Variants in ENTREP2 observed in about 807,000 individuals in gnomAD.
ENTREP2 encodes endosomal transmembrane epsin interactor 2.
At chr15:29,427,361 T>G in the ENTREP2 span, among the ~76,000 whole-genome samples, 1 of 152,306 alleles carries the variant, frequency 6.6e-6, no homozygotes, top group South Asian at 2.1e-4. Context: ...ACCTGAGATA[T>G]AGCCCTATCT....
chr15:29,204,684 C>T, the ENTREP2 span, among the ~76,000 whole-genome samples: 21,721 of 152,060 alleles, frequency 0.14, 1,798 homozygotes, highest in Non-Finnish European at 0.19. Flanking sequence ...AGAGTGCCAA[C>T]GCTATTTGCC....
At chr15:29,311,193 A>G in the ENTREP2 span, among the ~76,000 whole-genome samples, 5 of 152,220 alleles carry the variant, frequency 3.3e-5, no homozygotes, top group East Asian at 9.7e-4. Context: ...AACAAAGACA[A>G]TTTTTTAAAA....
the ENTREP2 span, among the ~76,000 whole-genome samples, chr15:29,329,088 C>T: frequency 2.2e-4 from 33 of 152,090 alleles, no homozygotes; most frequent in Non-Finnish European, 4.3e-4. Flanking sequence ...CTAGGCTGGG[C>T]GCAGTGGCTC....
the ENTREP2 span, among the ~76,000 whole-genome samples, chr15:29,432,003 C>T: frequency 6.6e-6 from 1 of 152,138 alleles, no homozygotes; most frequent in African/African-American, 2.4e-5. Flanking sequence ...GGACAAATTG[C>T]CTGAGATTTC....
chr15:29,252,223 C>G, the ENTREP2 span: 1 of 498,676 alleles, frequency 2.0e-6, no homozygotes, highest in African/African-American at 1.9e-5. Context: ...TCAGCTTAAC[C>G]TAAATACCCT....
chr15:29,563,243 T>C, the ENTREP2 span, among the ~76,000 whole-genome samples: 1 of 152,236 alleles, frequency 6.6e-6, no homozygotes, highest in Non-Finnish European at 1.5e-5. Flanking sequence ...ATATTTATGC[T>C]ATTCTATTGC....
At chr15:29,651,963 G>T in the ENTREP2 span, among the ~76,000 whole-genome samples, 1 of 152,192 alleles carries the variant, frequency 6.6e-6, no homozygotes, top group Non-Finnish European at 1.5e-5. Flanking sequence ...CTGAAGCCTG[G>T]GGGCCAGGCC....
At chr15:29,575,464 C>T in the ENTREP2 span, among the ~76,000 whole-genome samples, 2 of 152,132 alleles carry the variant, frequency 1.3e-5, no homozygotes, top group Admixed American at 6.5e-5. Flanking sequence ...TGGTGAATGT[C>T]CACATTCACC....
At chr15:29,357,761 C>T in the ENTREP2 span, among the ~76,000 whole-genome samples, 1 of 151,966 alleles carries the variant, frequency 6.6e-6, no homozygotes, top group African/African-American at 2.4e-5. Flanking sequence ...ATGGCATGAA[C>T]CCGGGAGGCG....
the ENTREP2 span, chr15:29,234,785 C>T: frequency 6.7e-7 from 1 of 1,488,100 alleles, no homozygotes; most frequent in Non-Finnish European, 9.4e-7. Flanking sequence ...AAATATTACT[C>T]CATCTCCAGA....
At chr15:29,283,814 GA>G in the ENTREP2 span, among the ~76,000 whole-genome samples, 4 of 152,092 alleles carry the variant, frequency 2.6e-5, no homozygotes, top group African/African-American at 9.7e-5. Context: ...AAAAATGCTT[GA>G]TTTTTTTTAT....
At chr15:29,529,229 G>T in the ENTREP2 span, among the ~76,000 whole-genome samples, 2 of 140,618 alleles carry the variant, frequency 1.4e-5, no homozygotes, top group Admixed American at 7.1e-5. Context: ...GTGGAGGGGT[G>T]TGTGAGGGTG....
chr15:29,223,280 G>A, the ENTREP2 span, among the ~76,000 whole-genome samples: 1 of 152,180 alleles, frequency 6.6e-6, no homozygotes, highest in Admixed American at 6.5e-5. Context: ...TAGGCCGTGG[G>A]TGGCAGCCGC....
chr15:29,162,874 C>A, the ENTREP2 span, among the ~76,000 whole-genome samples: 1 of 152,266 alleles, frequency 6.6e-6, no homozygotes, highest in East Asian at 1.9e-4. Context: ...GAGCATTAAA[C>A]CACCAAAGCT....
the ENTREP2 span, among the ~76,000 whole-genome samples, chr15:29,312,802 T>G: frequency 6.6e-6 from 1 of 152,128 alleles, no homozygotes; most frequent in Non-Finnish European, 1.5e-5. Flanking sequence ...CTCTAAATGT[T>G]CAAGTGAAAG....
At chr15:29,485,117 C>A in the ENTREP2 span, among the ~76,000 whole-genome samples, 4 of 152,160 alleles carry the variant, frequency 2.6e-5, no homozygotes, top group African/African-American at 9.6e-5. Context: ...CTCCACAAAA[C>A]CATTGAAAAT....
chr15:29,547,870 G>A, the ENTREP2 span, among the ~76,000 whole-genome samples: 2 of 152,188 alleles, frequency 1.3e-5, no homozygotes, highest in African/African-American at 4.8e-5. Flanking sequence ...TAAATAAAAT[G>A]TGGTATAGAC....
At chr15:29,657,489 G>GA in the ENTREP2 span, among the ~76,000 whole-genome samples, 9 of 132,304 alleles carry the variant, frequency 6.8e-5, no homozygotes, top group Middle Eastern at 3.6e-3. Context: ...GGGGCGGGGG[G>GA]GGGGGGTGGC....
the ENTREP2 span, among the ~76,000 whole-genome samples, chr15:29,400,420 G>C: frequency 6.6e-6 from 1 of 152,138 alleles, no homozygotes; most frequent in African/African-American, 2.4e-5. Context: ...TGACTAGATG[G>C]GAGGGAAATT....
Sources: gnomAD v4.1 joint callset for allele counts (sites outside exome capture counted in the v4.1 genomes callset) on GRCh38, gnomAD v4.1.1 for gene constraint, MANE v1.5 for transcripts, NCBI Gene and HGNC (gene_info 2026-07-23, HGNC 2026-07-21) for gene names.